DRG2: variants seen among roughly 807,000 people sequenced by gnomAD.
The protein encoded by DRG2 is developmentally-regulated GTP-binding protein 2.
DRG2 carries 36 observed loss-of-function variants against 53.4 expected under a neutral mutation model. The ratio of observed to expected loss-of-function variants is 0.67; its 90% CI spans 0.52 to 0.89. The LOEUF is 0.89. Among genes scored for constraint, DRG2 ranks in the 40% least tolerant of loss-of-function variants. The pLI is 0.00. For synonymous variants in DRG2, 167 were observed against 192.1 expected (o/e 0.87, Z 1.08); for missense variants, 342 against 481.2 (o/e 0.71, Z 2.71).
rs761706695 is a variant in DRG2, at chr17:18,098,305, C to T, written c.261C>T (p.Ser87=). 8.1e-6 allele frequency: 13 copies of T among 1,613,806 alleles called. No homozygotes were observed. Among genetic ancestry groups the T allele is most frequent in the South Asian group, 6.6e-5 (6 of 91,074 alleles). Residue 87 remains serine, a synonymous_variant, in exon 3 of 13, where the codon AGC becomes AGT. Transcript: ENST00000225729. The surrounding 1 kb of genome is among the most constrained non-coding windows in gnomAD (Gnocchi z 4.1). The part of the protein sequence containing the change: ...TFLSLMTSTA[S]EAASYEFTTL... ...TGAGTCTGATGACCTCCACGGCCAG[C>T]GAGGCAGCGTCCTATGAGTTCACCA...
chr17:18,104,467 A>T, intron 10 of DRG2, 156 bp from the exon 11 acceptor site: 2 of 1,440,994 alleles, frequency 1.4e-6, no homozygotes, highest in Non-Finnish European at 1.8e-6. Context: ...TGGTACAGGG[A>T]TCTATGTGGA....
At position 18,099,033 on chromosome 17, in the gene DRG2, T is replaced by TCCA; in HGVS notation, c.333_335dup (p.Ile111_Gln112insHis). 6.2e-7 allele frequency: 1 copy of TCCA among 1,614,072 alleles called. No individual in the cohort carries two copies. On this transcript the variant is annotated inframe_insertion, in exon 4 of 13. Transcript: ENST00000225729. This position sits in a 1 kb window ranked among gnomAD's most constrained non-coding sequence, Gnocchi z 4.4. ...GCATCCTAGTACAAAGGTGCCAACA[T>TCCA]CCAGCTCCTGGACCTTCCTGGAATC...
At chr17:18,101,858 A>C in intron 8 of DRG2, 63 bp from the exon 9 acceptor site, 41 of 1,500,832 alleles carry the variant, frequency 2.7e-5, no homozygotes, top group Non-Finnish European at 3.5e-5. Flanking sequence ...AGGGCGATGG[A>C]GGGCCCTTTC....
rs1318550783 is a variant in DRG2, at chr17:18,103,980, C to T, written c.895+91C>T. On this transcript the variant is annotated intron_variant, in intron 10 of 12. Transcript: ENST00000225729. The surrounding 1 kb of genome is among the most constrained non-coding windows in gnomAD (Gnocchi z 4.4). ...TGTGTGGTGCCCAGAGACCCCAGCA[C>T]CGGCTCTGGCCTGGCTTGTCTAGAC... 5 of 1,256,650 alleles carry T rather than the reference C, an allele frequency of 4.0e-6. No individual in the cohort carries two copies. The highest frequency in any genetic ancestry group is 3.5e-5 in the Admixed American group (2 of 57,542). The allele number at this position is 1,256,650 out of a possible 1,614,324, so 77.8% of individuals were successfully genotyped here.
chr17:18,099,177 C>A lies in DRG2; in HGVS notation c.376+100C>A. On this transcript the variant is annotated intron_variant, in intron 4 of 12. Transcript: ENST00000225729. The surrounding 1 kb of genome is among the most constrained non-coding windows in gnomAD (Gnocchi z 4.4). The stretch of plus-strand genomic sequence containing the variant: ...ATGGAGATCACTCTGGATCCCTGGT[C>A]CATTATCCCGCTTTCCAGAAAAGAC... 5 of 1,478,064 alleles carry A rather than the reference C, an allele frequency of 3.4e-6. No homozygotes were observed. The highest frequency in any genetic ancestry group is 3.7e-6 in the Non-Finnish European group (4 of 1,068,716). The allele number at this position is 1,478,064 out of a possible 1,614,324, so 91.6% of individuals were successfully genotyped here.
chr17:18,100,149 C>T lies in DRG2; in HGVS notation c.468-214C>T, dbSNP rs1321355529. The T allele has an allele frequency of 2.8e-5, 17 of 611,512 alleles. No homozygotes were observed. Among genetic ancestry groups the T allele is most frequent in the Non-Finnish European group, 3.7e-5 (13 of 346,822 alleles). The allele number at this position is 611,512 out of a possible 1,614,324, so 37.9% of individuals were successfully genotyped here. A position where few individuals can be genotyped will look rare whatever the true frequency, so the allele number is the denominator to read the frequency against. On this transcript the variant is annotated intron_variant, in intron 5 of 12. Transcript: ENST00000225729. This position sits in a 1 kb window ranked among gnomAD's most constrained non-coding sequence, Gnocchi z 4.1. ...CCACCACTTGCCTGTGCATGCCGAC[C>T]GTAAACCGGGCCAGTCCCCTCTGGG...
At chr17:18,104,482 G>A in intron 10 of DRG2, 141 bp from the exon 11 acceptor site, 2 of 1,487,936 alleles carry the variant, frequency 1.3e-6, no homozygotes, top group Middle Eastern at 3.5e-4. Context: ...TGTGGAGGGT[G>A]TGCTGGATGT....
Position 18,088,053 on chromosome 17 carries a change from C to T in DRG2, c.30C>T (p.Ile10=). The change falls in exon 1 of 13, where the codon ATC becomes ATT. Residue 10 remains isoleucine (I), a synonymous_variant. Coordinates refer to ENST00000225729, the MANE Select transcript of DRG2 (RefSeq NM_001388.5). The stretch of plus-strand genomic sequence containing the variant: ...GGATCTTAGAGAAGATCTCGGAGAT[C>T]GAGAAGGAGATCGCTCGGACACAGA... MGILEKISE[I]EKEIARTQKN... is the part of the protein sequence containing the mutation. 4.5e-6 allele frequency: 7 copies of T among 1,549,826 alleles called. No homozygotes were observed. The highest frequency in any genetic ancestry group is 6.1e-6 in the Non-Finnish European group (7 of 1,146,290).
rs1294792014 is a variant in DRG2, at chr17:18,098,275, A to G, written c.231A>G (p.Thr77=). The change falls in exon 3 of 13, where the codon ACA becomes ACG. Residue 77 remains threonine (T), a synonymous_variant. Transcript: ENST00000225729. The surrounding 1 kb of genome is among the most constrained non-coding windows in gnomAD (Gnocchi z 4.1). ...LIGFPSVGKS[T]FLSLMTSTAS... ...ATGATCTCCTTTTCTCCTAGTCCAC[A>G]TTCTTGAGTCTGATGACCTCCACGG... 6.2e-7 allele frequency: 1 copy of G among 1,613,610 alleles called. No homozygotes were observed. Among genetic ancestry groups the G allele is most frequent in the Non-Finnish European group, 8.5e-7 (1 of 1,179,648 alleles).
intron 1 of DRG2, 53 bp from the exon 2 acceptor site, chr17:18,093,760 C>G: frequency 1.9e-6 from 3 of 1,588,706 alleles, no homozygotes; most frequent in Non-Finnish European, 2.6e-6. Flanking sequence ...TGCCTGACCC[C>G]TGGGCTTGGA....
Position 18,103,900 on chromosome 17 carries a change from C to T in DRG2, c.895+11C>T. On this transcript the variant is annotated intron_variant, in intron 10 of 12. Transcript: ENST00000225729. This position sits in a 1 kb window ranked among gnomAD's most constrained non-coding sequence, Gnocchi z 4.4. ...CCAAGAAGAGAGGACGTGAGTTGCA[C>T]TGCGCGTAGCTGAAAAACAGGCTGA... is the stretch of plus-strand genomic sequence containing the variant. The T allele has an allele frequency of 6.2e-7, 1 of 1,613,084 alleles. No individual in the cohort carries two copies.
intron 9 of DRG2, 29 bp downstream of exon 9, chr17:18,102,026 C>G: frequency 6.3e-7 from 1 of 1,594,892 alleles, no homozygotes; most frequent in Non-Finnish European, 8.6e-7. Flanking sequence ...TGCCACTCTG[C>G]TGTCCTTGCT....
chr17:18,099,839 A>G lies in DRG2; in HGVS notation c.467+116A>G. On this transcript the variant is annotated intron_variant, in intron 5 of 12. Transcript: ENST00000225729. This position sits in a 1 kb window ranked among gnomAD's most constrained non-coding sequence, Gnocchi z 4.4. Reference sequence around the variant, plus strand: ...CTCTCTCACACGTGAGAGTAGTGGTAGGACTTGTCACAGACTAAACCCAAC... The same window carrying G: ...CTCTCTCACACGTGAGAGTAGTGGTGGGACTTGTCACAGACTAAACCCAAC... The G allele has an allele frequency of 9.5e-7, 1 of 1,049,968 alleles. No homozygotes were observed. Among genetic ancestry groups the G allele is most frequent in the Non-Finnish European group, 1.4e-6 (1 of 709,384 alleles). The allele number at this position is 1,049,968 out of a possible 1,614,324, so 65.0% of individuals were successfully genotyped here.
Position 18,099,538 on chromosome 17 carries a change from G to T in DRG2, c.377-95G>T. The T allele has an allele frequency of 8.0e-7, 1 of 1,246,852 alleles. No individual in the cohort carries two copies. The highest frequency in any genetic ancestry group is 1.3e-5 in the South Asian group (1 of 77,956). 77.2% of individuals were successfully genotyped at this position (1,246,852 alleles called of 1,614,324 possible). The stretch of plus-strand genomic sequence containing the variant: ...TGTGCTAGTATGTGGCAGAGGCTGT[G>T]GTAGGTCTGTAAAGGACAGGAGTCC... On this transcript the variant is annotated intron_variant, in intron 4 of 12. Coordinates refer to ENST00000225729, the MANE Select transcript of DRG2 (RefSeq NM_001388.5). This position sits in a 1 kb window ranked among gnomAD's most constrained non-coding sequence, Gnocchi z 4.4.
In DRG2 at chr17:18,099,540, TAGGTCTGTAA is replaced by T. The variant is rs1225159167; in HGVS notation, c.377-89_377-80del. 14 of 1,263,322 alleles carry T rather than the reference TAGGTCTGTAA, an allele frequency of 1.1e-5. No homozygotes were observed. Among genetic ancestry groups the T allele is most frequent in the Non-Finnish European group, 1.6e-5 (14 of 884,470 alleles). The allele number at this position is 1,263,322 out of a possible 1,614,324, so 78.3% of individuals were successfully genotyped here. A position where few individuals can be genotyped will look rare whatever the true frequency, so the allele number is the denominator to read the frequency against. ...TGCTAGTATGTGGCAGAGGCTGTGG[TAGGTCTGTAA>T]AGGACAGGAGTCCAGGGCGCCGTGG... On this transcript the variant is annotated intron_variant, in intron 4 of 12. Transcript: ENST00000225729. This position sits in a 1 kb window ranked among gnomAD's most constrained non-coding sequence, Gnocchi z 4.4.
At chr17:18,090,385 T>C (rs1269463315) in intron 1 of DRG2, among the ~76,000 whole-genome samples, 1 of 22,148 alleles carries the variant, frequency 4.5e-5, no homozygotes, top group Non-Finnish European at 7.9e-5. Flanking sequence ...TATATATATA[T>C]ATATATATAT....
Position 18,098,824 on chromosome 17 carries a change from C to T in DRG2, c.316-193C>T, listed in dbSNP as rs190908598. 2.6e-5 allele frequency among the ~76,000 whole-genome samples: 4 copies of T among 152,264 alleles called. No homozygotes were observed. The highest frequency in any genetic ancestry group is 5.9e-5 in the Non-Finnish European group (4 of 68,016). ...TGGAAGATCTTGAGCCCTCCCTAGG[C>T]GGCTACTCAGCTCATAGGCTGTGGT... On this transcript the variant is annotated intron_variant, in intron 3 of 12. Coordinates refer to ENST00000225729, the MANE Select transcript of DRG2 (RefSeq NM_001388.5). This position sits in a 1 kb window ranked among gnomAD's most constrained non-coding sequence, Gnocchi z 4.1.
chr17:18,103,771 C>T lies in DRG2; in HGVS notation c.807-30C>T. 6.2e-7 allele frequency: 1 copy of T among 1,612,562 alleles called. No homozygotes were observed. The highest frequency in any genetic ancestry group is 8.5e-7 in the Non-Finnish European group (1 of 1,178,814). ...CCAGCCTCTGAATTCACAGGGGCCCCTGCCTGACTGGCCGCCTCCCTCTTT... is the reference window on the plus strand; with the variant it reads ...CCAGCCTCTGAATTCACAGGGGCCCTTGCCTGACTGGCCGCCTCCCTCTTT... On this transcript the variant is annotated intron_variant, in intron 9 of 12. Coordinates refer to ENST00000225729, the MANE Select transcript of DRG2 (RefSeq NM_001388.5). This position sits in a 1 kb window ranked among gnomAD's most constrained non-coding sequence, Gnocchi z 4.4.
chr17:18,100,217 G>A lies in DRG2; in HGVS notation c.468-146G>A, dbSNP rs1339482673. On this transcript the variant is annotated intron_variant, in intron 5 of 12. Transcript: ENST00000225729. The surrounding 1 kb of genome is among the most constrained non-coding windows in gnomAD (Gnocchi z 4.1). ...AAGTTCCCTGCAGCTCTAGGGCATTGGGAAGGAGTGTTCTCTGGGTTGCTG... is the reference window on the plus strand; with the variant it reads ...AAGTTCCCTGCAGCTCTAGGGCATTAGGAAGGAGTGTTCTCTGGGTTGCTG... 6.1e-6 allele frequency: 5 copies of A among 817,578 alleles called. No individual in the cohort carries two copies. The highest frequency in any genetic ancestry group is 5.1e-5 in the African/African-American group (3 of 59,404). The allele number at this position is 817,578 out of a possible 1,614,324, so 50.6% of individuals were successfully genotyped here. A position where few individuals can be genotyped will look rare whatever the true frequency, so the allele number is the denominator to read the frequency against.
Sources: allele counts gnomAD v4.1 joint callset (sites outside exome capture counted in the v4.1 genomes callset), GRCh38; gene constraint gnomAD v4.1.1; non-coding constraint Gnocchi (gnomAD v3.1); transcripts MANE v1.5; gene names NCBI Gene and HGNC (gene_info 2026-07-23, HGNC 2026-07-21).